The following SPCS3 variants were observed in gnomAD, a reference collection of about 807,000 sequenced individuals.
SPCS3 encodes the protein SPase 22 kDa subunit.
In SPCS3, 9 loss-of-function variants were observed where a neutral mutation model predicts 17.2. The ratio of observed to expected loss-of-function variants is 0.52; its 90% confidence interval spans 0.31 to 0.91. The LOEUF is 0.91. SPCS3 is among the 40% of genes least tolerant of loss of function. The pLI is 0.04. For missense variants in SPCS3, 139 were observed against 217.5 expected (o/e 0.64, Z 2.27); for synonymous variants, 87 against 89.6 (o/e 0.97, Z 0.16).
At position 176,331,089 on chromosome 4, in the gene SPCS3, C is replaced by G. The variant is rs1318704513; in HGVS notation, c.*2759C>G. Reference sequence around the variant, plus strand: ...GTGGGTCTCGTCAGCCAATTCATAGCTGGGCTTTAAGATTATCATCTTAGA... The same window carrying G: ...GTGGGTCTCGTCAGCCAATTCATAGGTGGGCTTTAAGATTATCATCTTAGA... On this transcript the variant is annotated 3_prime_UTR_variant, in exon 5 of 5. Coordinates refer to ENST00000503362, the MANE Select transcript of SPCS3 (RefSeq NM_021928.4). The G allele has an allele frequency of 6.6e-6, 1 of 152,016 alleles. No homozygotes were observed. The highest frequency in any genetic ancestry group is 1.5e-5 in the Non-Finnish European group (1 of 68,018). 9.4% of individuals were successfully genotyped at this position (152,016 alleles called of 1,614,324 possible).
Position 176,320,052 on chromosome 4 carries a change from TC to T in SPCS3, c.-23del. 2 of 1,523,282 alleles carry T rather than the reference TC, an allele frequency of 1.3e-6. No homozygotes were observed. The highest frequency in any genetic ancestry group is 1.8e-6 in the Non-Finnish European group (2 of 1,130,206). 94.4% of individuals were successfully genotyped at this position (1,523,282 alleles called of 1,614,324 possible). On this transcript the variant is annotated 5_prime_UTR_variant, in exon 1 of 5. Transcript: ENST00000503362. ...CGGGAGCCTGGGTGTGCGTGTGGAGTCCGGACTCGTGGGAGACGATCGCGAT... is the reference window on the plus strand; with the variant it reads ...CGGGAGCCTGGGTGTGCGTGTGGAGTCGGACTCGTGGGAGACGATCGCGAT...
chr4:176,327,846 C>T (rs1383150542), intron 4 of SPCS3, among the ~76,000 whole-genome samples: 5 of 152,208 alleles, frequency 3.3e-5, no homozygotes, highest in Non-Finnish European at 7.3e-5. Flanking sequence ...GTTTGTCCAT[C>T]TAGATAATTG....
chr4:176,320,363 G>C, intron 1 of SPCS3, 144 bp downstream of exon 1: 7 of 747,396 alleles, frequency 9.4e-6, no homozygotes, highest in Non-Finnish European at 1.1e-5. Context: ...TCGCCCCCGA[G>C]GGCGGTCGTC....
In SPCS3 at chr4:176,329,927, C is replaced by T. The variant is rs547801070; in HGVS notation, c.*1597C>T. 6.6e-6 allele frequency: 1 copy of T among 152,186 alleles called. No homozygotes were observed. Among genetic ancestry groups the T allele is most frequent in the South Asian group, 2.1e-4 (1 of 4,826 alleles). The allele number at this position is 152,186 out of a possible 1,614,324, so 9.4% of individuals were successfully genotyped here. A position where few individuals can be genotyped will look rare whatever the true frequency, so the allele number is the denominator to read the frequency against. On this transcript the variant is annotated 3_prime_UTR_variant, in exon 5 of 5. Coordinates refer to ENST00000503362, the MANE Select transcript of SPCS3 (RefSeq NM_021928.4). ...ATCTGTTGTGTGGAGTTGTATAGTT[C>T]ATGCAAAAGCCTGTGGGTATGGGTT...
Position 176,329,145 on chromosome 4 carries a change from G to T in SPCS3, c.*815G>T, listed in dbSNP as rs1240156013. ...TAGTGAGCATGCCTGCTGTCACTAAGTGAATTATTTACTACTTTTTGTAGG... is the reference window on the plus strand; with the variant it reads ...TAGTGAGCATGCCTGCTGTCACTAATTGAATTATTTACTACTTTTTGTAGG... On this transcript the variant is annotated 3_prime_UTR_variant, in exon 5 of 5. Coordinates refer to ENST00000503362, the MANE Select transcript of SPCS3 (RefSeq NM_021928.4). 3.9e-5 allele frequency: 6 copies of T among 151,968 alleles called. No homozygotes were observed. The highest frequency in any genetic ancestry group is 3.3e-4 in the Admixed American group (5 of 15,270). 9.4% of individuals were successfully genotyped at this position (151,968 alleles called of 1,614,324 possible). A position where few individuals can be genotyped will look rare whatever the true frequency, so the allele number is the denominator to read the frequency against.
rs199777393 is a variant in SPCS3, at chr4:176,328,429, G to GT, written c.*103dup. On this transcript the variant is annotated 3_prime_UTR_variant, in exon 5 of 5. Coordinates refer to ENST00000503362, the MANE Select transcript of SPCS3 (RefSeq NM_021928.4). ...TCATGTATTGTTGGTTTGTTTTTTG[G>GT]TTTTGGGTTTTTTTTTTTTTTTTTT... 172 of 853,868 alleles carry GT rather than the reference G, an allele frequency of 2.0e-4. No homozygotes were observed. The highest frequency in any genetic ancestry group is 2.2e-4 in the Non-Finnish European group (143 of 653,518). The allele number at this position is 853,868 out of a possible 1,614,324, so 52.9% of individuals were successfully genotyped here.
chr4:176,320,303 C>A (rs889386028), intron 1 of SPCS3, 84 bp downstream of exon 1: 3 of 1,206,212 alleles, frequency 2.5e-6, no homozygotes, highest in South Asian at 3.6e-5. Context: ...CCGGGGCTGC[C>A]GTGCCGGGGC....
intron 1 of SPCS3, chr4:176,320,975 G>A (rs1188770999): frequency 2.6e-5 from 4 of 152,104 alleles, no homozygotes; most frequent in Non-Finnish European, 1.5e-5. Flanking sequence ...GTGCCATTTC[G>A]CTATTGCCTA....
In SPCS3 at chr4:176,330,149, G is replaced by A. The variant is rs1192750432; in HGVS notation, c.*1819G>A. On this transcript the variant is annotated 3_prime_UTR_variant, in exon 5 of 5. Transcript: ENST00000503362. ...TTCAGCAAAGAGATTGAACAAAAAA[G>A]CACGTTAGTAATATGAAGACAGGAA... is the stretch of plus-strand genomic sequence containing the variant. 6.6e-6 allele frequency: 1 copy of A among 152,150 alleles called. No homozygotes were observed. Among genetic ancestry groups the A allele is most frequent in the Non-Finnish European group, 1.5e-5 (1 of 68,004 alleles). 9.4% of individuals were successfully genotyped at this position (152,150 alleles called of 1,614,324 possible).
chr4:176,325,082 G>C (rs1409195811), intron 3 of SPCS3, among the ~76,000 whole-genome samples: 8 of 134,530 alleles, frequency 5.9e-5, no homozygotes, highest in African/African-American at 2.2e-4. Context: ...ACAGAGTCTC[G>C]TGCTTGTAGC....
intron 2 of SPCS3, among the ~76,000 whole-genome samples, chr4:176,323,682 T>C (rs1731566851): frequency 6.6e-6 from 1 of 152,170 alleles, no homozygotes. Context: ...TGAGAGACAT[T>C]TTAATGTCTA....
intron 3 of SPCS3, among the ~76,000 whole-genome samples, chr4:176,325,554 C>T (rs1356040023): frequency 9.6e-5 from 14 of 145,918 alleles, no homozygotes; most frequent in African/African-American, 3.6e-4. Flanking sequence ...TACCAGATAC[C>T]TTTCTTTAAA....
chr4:176,323,231 A>G (rs1292674303), intron 2 of SPCS3, among the ~76,000 whole-genome samples: 1 of 152,118 alleles, frequency 6.6e-6, no homozygotes, highest in Admixed American at 6.5e-5. Context: ...TAATTTTTAA[A>G]AATCTGCTTA....
intron 1 of SPCS3, chr4:176,321,460 G>T (rs1315000633): frequency 1.3e-5 from 2 of 152,202 alleles, no homozygotes; most frequent in African/African-American, 4.8e-5. Flanking sequence ...GTAAATAGCA[G>T]CTGGTTACAG....
rs1476709176 is a variant in SPCS3 at position 176,329,261 on chromosome 4, A to G, written c.*931A>G. 1 of 152,142 alleles carries G rather than the reference A, an allele frequency of 6.6e-6. No individual in the cohort carries two copies. The highest frequency in any genetic ancestry group is 1.5e-5 in the Non-Finnish European group (1 of 67,986). The allele number at this position is 152,142 out of a possible 1,614,324, so 9.4% of individuals were successfully genotyped here. A position where few individuals can be genotyped will look rare whatever the true frequency, so the allele number is the denominator to read the frequency against. ...TATACTTTAGTGTATGTCATCCTCA[A>G]TAATCTAATGAGGTAAGTAGTATAA... On this transcript the variant is annotated 3_prime_UTR_variant, in exon 5 of 5. Coordinates refer to ENST00000503362, the MANE Select transcript of SPCS3 (RefSeq NM_021928.4).
Position 176,330,824 on chromosome 4 carries a change from A to C in SPCS3, c.*2494A>C, listed in dbSNP as rs945783427. 6.6e-6 allele frequency: 1 copy of C among 152,348 alleles called. No homozygotes were observed. The highest frequency in any genetic ancestry group is 2.1e-4 in the South Asian group (1 of 4,826). The allele number at this position is 152,348 out of a possible 1,614,324, so 9.4% of individuals were successfully genotyped here. A position where few individuals can be genotyped will look rare whatever the true frequency, so the allele number is the denominator to read the frequency against. The stretch of plus-strand genomic sequence containing the variant: ...TGAGAAAAGAGAATAATTTGAAGAC[A>C]CTTATTTAAAAGTAATTATGGTTAG... On this transcript the variant is annotated 3_prime_UTR_variant, in exon 5 of 5. Coordinates refer to ENST00000503362, the MANE Select transcript of SPCS3 (RefSeq NM_021928.4).
chr4:176,327,516 T>A (rs1053647581), intron 4 of SPCS3: 1 of 282,546 alleles, frequency 3.5e-6, no homozygotes, highest in African/African-American at 2.2e-5. Flanking sequence ...CCTAAGCGTG[T>A]ACAAGGAATA....
intron 1 of SPCS3, chr4:176,321,835 C>T (rs1400959287): frequency 6.0e-6 from 1 of 166,130 alleles, no homozygotes; most frequent in African/African-American, 2.4e-5. Context: ...TGTTAGTATT[C>T]GTATCACCTT....
intron 4 of SPCS3, among the ~76,000 whole-genome samples, chr4:176,327,534 G>A (rs1017782554): frequency 2.6e-5 from 4 of 152,208 alleles, no homozygotes; most frequent in African/African-American, 9.6e-5. Context: ...ATACGGGCTT[G>A]TTCAGATGCG....
Sources: gnomAD v4.1 joint callset for allele counts (sites outside exome capture counted in the v4.1 genomes callset) on GRCh38, gnomAD v4.1.1 for gene constraint, MANE v1.5 for transcripts, NCBI Gene and HGNC (gene_info 2026-07-23, HGNC 2026-07-21) for gene names.